The following PDP2 variants were observed in gnomAD, a reference collection of about 807,000 sequenced individuals.
PDP2 encodes the protein pyruvate dehydrogenase phosphatase catalytic subunit 2.
Under a neutral mutation model 34.2 loss-of-function variants are expected in PDP2, and 23 were observed. That is an observed-to-expected ratio of 0.67 (90% confidence interval 0.48 to 0.95). PDP2 has a LOEUF of 0.95. PDP2 is among the 40% of genes least tolerant of loss of function. The probability of loss-of-function intolerance (pLI) is 0.00; values close to 1 mark genes in which losing one functional copy is unlikely to be tolerated. For missense variants in PDP2, 571 were observed against 659.6 expected (o/e 0.87, Z 1.47); for synonymous variants, 275 against 269.2 (o/e 1.02, Z -0.21).
chr16:66,880,937 C>T (rs1158439844), intron 1 of PDP2, among the ~76,000 whole-genome samples: 3 of 152,172 alleles, frequency 2.0e-5, no homozygotes, highest in Non-Finnish European at 4.4e-5. Context: ...ATCGAGCACC[C>T]CTTGGAGCTC....
rs1381005582 is a variant in PDP2, at chr16:66,885,331, G to T, written c.1047G>T (p.Gly349=). 1 of 1,614,110 alleles carries T rather than the reference G, an allele frequency of 6.2e-7. No homozygotes were observed. The highest frequency in any genetic ancestry group is 8.5e-7 in the Non-Finnish European group (1 of 1,179,996). The part of the protein sequence containing the change: ...LGVLIPCRAF[G]DVQLKWSKEL... ...TCCTCATCCCCTGCAGGGCCTTTGG[G>T]GATGTTCAGCTGAAGTGGAGTAAAG... The change falls in exon 2 of 2, where the codon GGG becomes GGT. Residue 349 remains glycine (G), a synonymous_variant. Coordinates refer to ENST00000311765, the MANE Select transcript of PDP2 (RefSeq NM_020786.4). This position sits in a 1 kb window ranked among gnomAD's most constrained non-coding sequence, Gnocchi z 4.6.
chr16:66,884,499 A>T lies in PDP2; in HGVS notation c.215A>T (p.Asp72Val), dbSNP rs758446238. The T allele has an allele frequency of 6.2e-7, 1 of 1,614,152 alleles. No homozygotes were observed. The highest frequency in any genetic ancestry group is 8.5e-7 in the Non-Finnish European group (1 of 1,180,026). Residue 72 changes from aspartate to valine, a missense_variant, in exon 2 of 2, where the codon GAT becomes GTT. Asp to Val is a radical substitution (Grantham distance 152). Around this residue, in one of 2 missense-constraint regions of PDP2, gnomAD observed 290 missense variants for 283.8 expected, o/e 1.02. Transcript: ENST00000311765. ...AGACACACATCAACAGAGGAAGATG[A>T]TTTTCACTTGCAACTCAGCCCTGAG... Reference protein sequence around the residue: ...AYRHTSTEEDDFHLQLSPEQI... With the variant: ...AYRHTSTEEDVFHLQLSPEQI...
At chr16:66,882,342 A>G (rs2145410110) in intron 1 of PDP2, among the ~76,000 whole-genome samples, 1 of 152,224 alleles carries the variant, frequency 6.6e-6, no homozygotes, top group African/African-American at 2.4e-5. Flanking sequence ...AGGCTGAGGC[A>G]GGAGGATCCC....
Position 66,884,752 on chromosome 16 carries a change from C to T in PDP2, c.468C>T (p.Leu156=), listed in dbSNP as rs756807244. 4.3e-6 allele frequency: 7 copies of T among 1,614,060 alleles called. No homozygotes were observed. The highest frequency in any genetic ancestry group is 5.1e-6 in the Non-Finnish European group (6 of 1,180,060). The change falls in exon 2 of 2, where the codon CTC becomes CTT. Residue 156 remains leucine (L), a synonymous_variant. Coordinates refer to ENST00000311765, the MANE Select transcript of PDP2 (RefSeq NM_020786.4). ...GTGCCCAAGCAGTGAGCGAGAGGCT[C>T]TTCTACTATGTGGCAGTGTCCCTGA... ...HACAQAVSER[L]FYYVAVSLMS...
chr16:66,884,907 A>G lies in PDP2; in HGVS notation c.623A>G (p.His208Arg), dbSNP rs925632751. ...YKDVTSVHLD[H>R]LRVYWQELLD... ...GATGTCACATCTGTGCATCTTGACC[A>G]CCTCCGTGTCTATTGGCAGGAACTG... Residue 208 changes from histidine (H) to arginine (R), a missense_variant, in exon 2 of 2, where the codon CAC becomes CGC. Coordinates refer to ENST00000311765, the MANE Select transcript of PDP2 (RefSeq NM_020786.4). 6.2e-6 allele frequency: 10 copies of G among 1,613,904 alleles called. No individual in the cohort carries two copies. The highest frequency in any genetic ancestry group is 8.5e-6 in the Non-Finnish European group (10 of 1,179,982).
intron 1 of PDP2, among the ~76,000 whole-genome samples, chr16:66,882,097 T>A (rs917271045): frequency 6.6e-6 from 1 of 152,210 alleles, no homozygotes; most frequent in Non-Finnish European, 1.5e-5. Context: ...AGCCATCAGA[T>A]GTGAAAAAAT....
chr16:66,889,937 G>A lies in PDP2; in HGVS notation c.*4063G>A, dbSNP rs1961938198. 1 of 149,764 alleles carries A rather than the reference G, an allele frequency of 6.7e-6. No homozygotes were observed. The highest frequency in any genetic ancestry group is 2.5e-5 in the African/African-American group (1 of 40,434). The allele number at this position is 149,764 out of a possible 1,614,324, so 9.3% of individuals were successfully genotyped here. A position where few individuals can be genotyped will look rare whatever the true frequency, so the allele number is the denominator to read the frequency against. On this transcript the variant is annotated 3_prime_UTR_variant, in exon 2 of 2. Coordinates refer to ENST00000311765, the MANE Select transcript of PDP2 (RefSeq NM_020786.4). ...ATCGTGCCATTGCACTCCAGACTGA[G>A]TGACAGAGTGAGACTGTGTCTAAAA...
chr16:66,881,077 G>A (rs1961493927), intron 1 of PDP2, among the ~76,000 whole-genome samples: 1 of 152,254 alleles, frequency 6.6e-6, no homozygotes, highest in Non-Finnish European at 1.5e-5. Flanking sequence ...GTTTTGGTGG[G>A]CTCCGGAGTC....
At chr16:66,880,720 C>G (rs933286303) in intron 1 of PDP2, 80 bp downstream of exon 1, 1 of 152,236 alleles carries the variant, frequency 6.6e-6, no homozygotes, top group Non-Finnish European at 1.5e-5. Flanking sequence ...CAGGCCTCGC[C>G]GGCGCCTGAC....
rs753687664 is a variant in PDP2, at chr16:66,885,784, G to A, written c.1500G>A (p.Glu500=). 6.2e-7 allele frequency: 1 copy of A among 1,613,442 alleles called. No individual in the cohort carries two copies. Among genetic ancestry groups the A allele is most frequent in the East Asian group, 2.2e-5 (1 of 44,894 alleles). The change falls in exon 2 of 2, where the codon GAG becomes GAA. Residue 500 remains glutamate (E), a synonymous_variant. Transcript: ENST00000311765. This position sits in a 1 kb window ranked among gnomAD's most constrained non-coding sequence, Gnocchi z 4.6. ...ERLAAMLTLP[E]DLARMYRDDI... is the part of the protein sequence containing the mutation. ...TGGCGGCGATGCTGACATTGCCAGAGGACTTGGCGAGGATGTACAGGGATG... is the reference window on the plus strand; with the variant it reads ...TGGCGGCGATGCTGACATTGCCAGAAGACTTGGCGAGGATGTACAGGGATG...
chr16:66,882,829 T>A (rs752834243), intron 1 of PDP2, among the ~76,000 whole-genome samples: 11 of 152,202 alleles, frequency 7.2e-5, no homozygotes, highest in Admixed American at 2.6e-4. Context: ...TACATGTATA[T>A]AAAATTTAGT....
rs556857222 is a variant in PDP2, at chr16:66,882,271, G to A, written c.-55+1631G>A. 3.9e-5 allele frequency among the ~76,000 whole-genome samples: 6 copies of A among 152,190 alleles called. No individual in the cohort carries two copies. In the South Asian group the frequency reaches 6.2e-4, roughly 16 times the overall value. Reference sequence around the variant, plus strand: ...AGTTTGAGACCAGCCTGGAAAACACGGGGAGACCCTGTCTATTAGCTGGGC... The same window carrying A: ...AGTTTGAGACCAGCCTGGAAAACACAGGGAGACCCTGTCTATTAGCTGGGC... On this transcript the variant is annotated intron_variant, in intron 1 of 1. Coordinates refer to ENST00000311765, the MANE Select transcript of PDP2 (RefSeq NM_020786.4).
Position 66,887,976 on chromosome 16 carries a change from C to T in PDP2, c.*2102C>T, listed in dbSNP as rs1244101552. ...TCAAAAAAAAAAAAAAAAAATCCAT[C>T]TTATCTCTTAGTCCGTCCTTCCTTC... is the stretch of plus-strand genomic sequence containing the variant. On this transcript the variant is annotated 3_prime_UTR_variant, in exon 2 of 2. Transcript: ENST00000311765. The T allele has an allele frequency of 7.1e-6, 1 of 141,506 alleles. No individual in the cohort carries two copies. Among genetic ancestry groups the T allele is most frequent in the Non-Finnish European group, 1.6e-5 (1 of 64,230 alleles). 8.8% of individuals were successfully genotyped at this position (141,506 alleles called of 1,614,324 possible).
chr16:66,884,911 C>T lies in PDP2; in HGVS notation c.627C>T (p.Leu209=). The part of the protein sequence containing the change: ...KDVTSVHLDH[L]RVYWQELLDL... Reference sequence around the variant, plus strand: ...TCACATCTGTGCATCTTGACCACCTCCGTGTCTATTGGCAGGAACTGCTTG... The same window carrying T: ...TCACATCTGTGCATCTTGACCACCTTCGTGTCTATTGGCAGGAACTGCTTG... The change falls in exon 2 of 2, where the codon CTC becomes CTT. Residue 209 remains leucine (L), a synonymous_variant. Coordinates refer to ENST00000311765, the MANE Select transcript of PDP2 (RefSeq NM_020786.4). The T allele has an allele frequency of 1.2e-6, 2 of 1,614,140 alleles. No homozygotes were observed. The highest frequency in any genetic ancestry group is 1.1e-5 in the South Asian group (1 of 91,092).
rs1320978562 is a variant in PDP2 at position 66,884,839 on chromosome 16, C to T, written c.555C>T (p.Pro185=). The T allele has an allele frequency of 3.7e-6, 6 of 1,613,944 alleles. No individual in the cohort carries two copies. The highest frequency in any genetic ancestry group is 3.3e-5 in the Admixed American group (2 of 59,998). Residue 185 remains proline, a synonymous_variant, in exon 2 of 2, where the codon CCC becomes CCT. Transcript: ENST00000311765. ...GAMESMKPLL[P]ILHWLKHPGD... is the part of the protein sequence containing the mutation. ...TGGAAAGCATGAAACCCTTGCTGCC[C>T]ATCCTGCATTGGCTCAAGCACCCAG...
chr16:66,881,783 C>T (rs1961529079), intron 1 of PDP2, among the ~76,000 whole-genome samples: 1 of 152,064 alleles, frequency 6.6e-6, no homozygotes, highest in African/African-American at 2.4e-5. Context: ...TGGGCTCAAG[C>T]GATCCTCCCA....
At position 66,889,730 on chromosome 16, in the gene PDP2, G is replaced by A. The variant is rs1961930714; in HGVS notation, c.*3856G>A. ...CACACCTGTAATCCCAGCACTTTGG[G>A]ATTCCAAGACAGAAGACTCACTTGA... On this transcript the variant is annotated 3_prime_UTR_variant, in exon 2 of 2. Coordinates refer to ENST00000311765, the MANE Select transcript of PDP2 (RefSeq NM_020786.4). 6.6e-6 allele frequency: 1 copy of A among 151,200 alleles called. No homozygotes were observed. The highest frequency in any genetic ancestry group is 1.5e-5 in the Non-Finnish European group (1 of 67,952). 9.4% of individuals were successfully genotyped at this position (151,200 alleles called of 1,614,324 possible).
Position 66,885,969 on chromosome 16 carries a change from C to T in PDP2, c.*95C>T, listed in dbSNP as rs1380310301. On this transcript the variant is annotated 3_prime_UTR_variant, in exon 2 of 2. Transcript: ENST00000311765. The surrounding 1 kb of genome is among the most constrained non-coding windows in gnomAD (Gnocchi z 4.6). The stretch of plus-strand genomic sequence containing the variant: ...GCTATCCAAACCTTACTATTAAAAG[C>T]GCAGGCAGATTTAATTTGCTAAATA... 34 of 1,280,326 alleles carry T rather than the reference C, an allele frequency of 2.7e-5. No individual in the cohort carries two copies. The highest frequency in any genetic ancestry group is 2.2e-4 in the South Asian group (15 of 68,250). The allele number at this position is 1,280,326 out of a possible 1,614,324, so 79.3% of individuals were successfully genotyped here.
chr16:66,884,577 T>C lies in PDP2; in HGVS notation c.293T>C (p.Leu98Pro), dbSNP rs1224200087. The C allele has an allele frequency of 8.1e-6, 13 of 1,614,104 alleles. No homozygotes were observed. The highest frequency in any genetic ancestry group is 1.1e-5 in the Non-Finnish European group (13 of 1,180,050). The change falls in exon 2 of 2, where the codon CTT (leucine) becomes CCT (proline). Residue 98 changes from leucine (L) to proline (P), a missense_variant. Transcript: ENST00000311765. The part of the protein sequence containing the change: ...AGETTHKILD[L>P]ESRVPNSVLR... ...GAGACAACCCACAAGATTCTTGACC[T>C]TGAAAGCAGAGTCCCAAATTCAGTG...
Sources: allele counts gnomAD v4.1 joint callset (sites outside exome capture counted in the v4.1 genomes callset), GRCh38; gene constraint gnomAD v4.1.1; regional missense constraint gnomAD v4.1.1; non-coding constraint Gnocchi (gnomAD v3.1); transcripts MANE v1.5; gene names NCBI Gene and HGNC (gene_info 2026-07-23, HGNC 2026-07-21).